Variants in CD2AP observed in about 807,000 individuals in gnomAD.
CD2AP encodes the protein CD2 associated protein.
Under a neutral mutation model 85.1 loss-of-function variants are expected in CD2AP, and 46 were observed. The observed-to-expected ratio is 0.54, with a 90% CI of 0.43 to 0.69. CD2AP has a LOEUF of 0.69. Ranked by LOEUF, CD2AP falls within the 30% of genes least tolerant of loss-of-function variation. The probability of loss-of-function intolerance (pLI) is 0.00; values close to 1 mark genes in which losing one functional copy is unlikely to be tolerated. For synonymous variants in CD2AP, 255 were observed against 252.9 expected (o/e 1.01, Z -0.08); for missense variants, 769 against 729.5 (o/e 1.05, Z -0.62).
At chr6:47,496,085 T>C (rs1765850826) in intron 1 of CD2AP, among the ~76,000 whole-genome samples, 1 of 152,220 alleles carries the variant, frequency 6.6e-6, no homozygotes, top group Admixed American at 6.5e-5. Context: ...TCTACATTGC[T>C]GATACTTCAT....
At position 47,599,369 on chromosome 6, in the gene CD2AP, A is replaced by G. The variant is rs1165122387; in HGVS notation, c.1343A>G (p.Asp448Gly). 1.4e-5 allele frequency: 23 copies of G among 1,612,116 alleles called. No individual in the cohort carries two copies. Among genetic ancestry groups the G allele is most frequent in the Non-Finnish European group, 1.9e-5 (22 of 1,178,710 alleles). The change falls in exon 13 of 18, where the codon GAT (aspartate) becomes GGT (glycine). Residue 448 changes from aspartate to glycine, a missense_variant. Asp to Gly is a moderately conservative substitution (Grantham distance 94). Transcript: ENST00000359314. ...GAGCCAGTATCAAAACTAAAGCTAG[A>G]TTCTGAACAGCTGCCCCTTAGACCA... ...ETEPVSKLKL[D>G]SEQLPLRPKS...
intron 11 of CD2AP, among the ~76,000 whole-genome samples, chr6:47,589,314 C>A (rs1224836270): frequency 6.8e-6 from 1 of 147,252 alleles, no homozygotes; most frequent in Non-Finnish European, 1.5e-5. Context: ...CGTAAGAATG[C>A]GAAGAGAGCT....
In CD2AP at chr6:47,624,721, GTA is replaced by G. The variant is rs71538327; in HGVS notation, c.*510_*511del. On this transcript the variant is annotated 3_prime_UTR_variant, in exon 18 of 18. Coordinates refer to ENST00000359314, the MANE Select transcript of CD2AP (RefSeq NM_012120.3). ...TGTGTGTGTGTGTGTGTGTGTGTGT[GTA>G]TATATATATATATATTTTTACTTTT... The G allele has an allele frequency of 0.044, 5,250 of 119,724 alleles. 122 individuals are homozygous for G. Among genetic ancestry groups the G allele is most frequent in the South Asian group, 0.066 (249 of 3,776 alleles). 7.4% of individuals were successfully genotyped at this position (119,724 alleles called of 1,614,324 possible). A position where few individuals can be genotyped will look rare whatever the true frequency, so the allele number is the denominator to read the frequency against.
Position 47,606,276 on chromosome 6 carries a change from C to T in CD2AP, c.1529C>T (p.Ser510Phe), listed in dbSNP as rs2114145686. 1 of 1,535,134 alleles carries T rather than the reference C, an allele frequency of 6.5e-7. No individual in the cohort carries two copies. Among genetic ancestry groups the T allele is most frequent in the East Asian group, 2.2e-5 (1 of 44,458 alleles). ...CCGGGCCGTTTCAATGGTGGACATT[C>T]TGTGAGTTCATCTAATTGTCGTAAA... ...RLPGRFNGGH[S>F]PTHSPEKILK... is the part of the protein sequence containing the mutation. The change falls in exon 14 of 18, where the codon TCT becomes TTT. Residue 510 changes from serine (S) to phenylalanine (F), a missense_variant and splice_region_variant. Physicochemically the swap from Ser to Phe is radical, Grantham distance 155. Coordinates refer to ENST00000359314, the MANE Select transcript of CD2AP (RefSeq NM_012120.3).
At chr6:47,485,094 C>T (rs1329532862) in intron 1 of CD2AP, among the ~76,000 whole-genome samples, 4 of 152,100 alleles carry the variant, frequency 2.6e-5, no homozygotes, top group African/African-American at 9.7e-5. Flanking sequence ...ATATGTAGTA[C>T]ATATATTGAT....
chr6:47,505,272 C>T (rs1171335940), intron 2 of CD2AP, among the ~76,000 whole-genome samples: 42 of 148,206 alleles, frequency 2.8e-4, no homozygotes, highest in African/African-American at 1.0e-3. Context: ...TAACAAAGCA[C>T]ATCTTGCACC....
intron 12 of CD2AP, among the ~76,000 whole-genome samples, chr6:47,596,930 T>A (rs1347564620): frequency 1.3e-5 from 2 of 152,116 alleles, no homozygotes; most frequent in African/African-American, 4.8e-5. Context: ...TTATTATCTT[T>A]TATCTTTTTG....
chr6:47,593,075 G>A (rs558419911), intron 11 of CD2AP, among the ~76,000 whole-genome samples: 1 of 152,242 alleles, frequency 6.6e-6, no homozygotes, highest in East Asian at 1.9e-4. Flanking sequence ...GAAAGACAGT[G>A]TCAGAATTGA....
At chr6:47,546,193 C>G (rs1343103110) in intron 4 of CD2AP, among the ~76,000 whole-genome samples, 1 of 151,982 alleles carries the variant, frequency 6.6e-6, no homozygotes, top group Admixed American at 6.6e-5. Context: ...AATGGATGCA[C>G]TTACAGAAAT....
chr6:47,491,448 A>T (rs887796801), intron 1 of CD2AP, among the ~76,000 whole-genome samples: 1 of 151,954 alleles, frequency 6.6e-6, no homozygotes, highest in African/African-American at 2.4e-5. Flanking sequence ...ATATTTTGTC[A>T]TCTGCTATAA....
chr6:47,495,320 G>T (rs1391511383), intron 1 of CD2AP, among the ~76,000 whole-genome samples: 1 of 152,142 alleles, frequency 6.6e-6, no homozygotes. Flanking sequence ...TCAAGATGGA[G>T]GTAGAGGTTG....
intron 16 of CD2AP, among the ~76,000 whole-genome samples, chr6:47,610,953 A>ATG (rs1309040647): frequency 9.0e-5 from 10 of 110,684 alleles, no homozygotes; most frequent in African/African-American, 3.3e-4. Flanking sequence ...TCTGATTTAT[A>ATG]TATATATATA....
At chr6:47,579,333 T>TAA (rs1317314580) in intron 8 of CD2AP, 52 bp from the exon 9 acceptor site, 3 of 528,636 alleles carry the variant, frequency 5.7e-6, no homozygotes, top group African/African-American at 3.9e-5. Context: ...ACACTTTATC[T>TAA]TAAAAAAAAA....
intron 11 of CD2AP, among the ~76,000 whole-genome samples, chr6:47,588,133 C>G (rs181738589): frequency 6.6e-6 from 1 of 152,100 alleles, no homozygotes; most frequent in Admixed American, 6.5e-5. Flanking sequence ...CTCTCAGAAT[C>G]TTTCATGGCC....
At chr6:47,524,982 A>G (rs1170843175) in intron 2 of CD2AP, among the ~76,000 whole-genome samples, 2 of 152,100 alleles carry the variant, frequency 1.3e-5, no homozygotes, top group African/African-American at 4.8e-5. Context: ...TGCTTTAGTG[A>G]ATATCCAATT....
intron 4 of CD2AP, 196 bp downstream of exon 4, chr6:47,544,902 C>T (rs1767326193): frequency 2.0e-6 from 1 of 495,700 alleles, no homozygotes; most frequent in South Asian, 2.9e-5. Flanking sequence ...AATAAAAATG[C>T]CCCCTTAAAG....
chr6:47,626,122 C>T lies in CD2AP; in HGVS notation c.*1895C>T, dbSNP rs979740080. 6.6e-6 allele frequency: 1 copy of T among 151,842 alleles called. No homozygotes were observed. The highest frequency in any genetic ancestry group is 2.4e-5 in the African/African-American group (1 of 41,400). 9.4% of individuals were successfully genotyped at this position (151,842 alleles called of 1,614,324 possible). A position where few individuals can be genotyped will look rare whatever the true frequency, so the allele number is the denominator to read the frequency against. The stretch of plus-strand genomic sequence containing the variant: ...CTAATAATGGGATGAGGGAAGTTTC[C>T]AGCAGATTTCAGGCTGTTCTTAAAG... On this transcript the variant is annotated 3_prime_UTR_variant, in exon 18 of 18. Coordinates refer to ENST00000359314, the MANE Select transcript of CD2AP (RefSeq NM_012120.3).
At chr6:47,496,404 T>C (rs1765858588) in intron 1 of CD2AP, among the ~76,000 whole-genome samples, 1 of 152,204 alleles carries the variant, frequency 6.6e-6, no homozygotes, top group South Asian at 2.1e-4. Flanking sequence ...TTTTGCAGTT[T>C]AATATTACAA....
chr6:47,483,794 T>C (rs1290182905), intron 1 of CD2AP, among the ~76,000 whole-genome samples: 1 of 147,488 alleles, frequency 6.8e-6, no homozygotes, highest in East Asian at 2.0e-4. Flanking sequence ...ATGTGCCTGT[T>C]TTTTTTTTTT....
Sources: allele counts gnomAD v4.1 joint callset (sites outside exome capture counted in the v4.1 genomes callset), GRCh38; gene constraint gnomAD v4.1.1; transcripts MANE v1.5; gene names NCBI Gene and HGNC (gene_info 2026-07-23, HGNC 2026-07-21).